Variants in GALNTL6 observed in about 807,000 individuals in gnomAD.
GALNTL6 encodes the protein polypeptide N-acetylgalactosaminyltransferase-like 6.
GALNTL6 carries 46 observed loss-of-function variants against 73.7 expected under a neutral mutation model. The ratio of observed to expected loss-of-function variants is 0.62; its 90% CI spans 0.49 to 0.80. The LOEUF is 0.80. Ranked by LOEUF, GALNTL6 falls within the 30% of genes least tolerant of loss-of-function variation. The pLI is 0.00. For missense variants in GALNTL6, 604 were observed against 755.0 expected, an observed-to-expected ratio of 0.80 and a Z score of 2.34; for synonymous variants, 259 against 263.7, an observed-to-expected ratio of 0.98 and a Z score of 0.17.
intron 5 of GALNTL6, among the ~76,000 whole-genome samples, chr4:172,435,269 C>G (rs1248344638): frequency 6.6e-6 from 1 of 152,072 alleles, no homozygotes; most frequent in East Asian, 1.9e-4. Context: ...CCACAAAGCA[C>G]CTAGATGACT....
chr4:172,610,167 T>G (rs752524895), intron 5 of GALNTL6, among the ~76,000 whole-genome samples: 1 of 152,036 alleles, frequency 6.6e-6, no homozygotes, highest in African/African-American at 2.4e-5. Flanking sequence ...ATTTTTTGTG[T>G]GGTTTTTCAT....
chr4:171,859,697 C>T (rs1735780593), intron 2 of GALNTL6, among the ~76,000 whole-genome samples: 1 of 152,180 alleles, frequency 6.6e-6, no homozygotes, highest in Admixed American at 6.5e-5. Flanking sequence ...TATGTGACAG[C>T]ACATGCTAAG....
chr4:172,813,361 G>A (rs971073268), intron 6 of GALNTL6, among the ~76,000 whole-genome samples, 179 bp from the exon 7 acceptor site: 1 of 152,098 alleles, frequency 6.6e-6, no homozygotes, highest in African/African-American at 2.4e-5. Context: ...GGACCTAATC[G>A]CTGTCCCATC....
At chr4:172,351,208 T>TATCTATC (rs1561040590) in intron 5 of GALNTL6, among the ~76,000 whole-genome samples, 41 of 152,254 alleles carry the variant, frequency 2.7e-4, no homozygotes, top group African/African-American at 9.1e-4. Flanking sequence ...TCTATCTATC[T>TATCTATC]ATCTATCTAT....
At chr4:172,076,675 A>G (rs890401106) in intron 2 of GALNTL6, among the ~76,000 whole-genome samples, 2 of 152,204 alleles carry the variant, frequency 1.3e-5, no homozygotes, top group African/African-American at 4.8e-5. Flanking sequence ...TCATATTCAT[A>G]TATTTTCCCA....
intron 4 of GALNTL6, among the ~76,000 whole-genome samples, chr4:172,340,351 T>G (rs1346838929): frequency 3.9e-5 from 6 of 152,172 alleles, no homozygotes; most frequent in Non-Finnish European, 8.8e-5. Context: ...CCAGCTTGAT[T>G]ATGGTGTATG....
intron 2 of GALNTL6, among the ~76,000 whole-genome samples, chr4:172,209,725 G>T (rs770487531): frequency 2.6e-5 from 4 of 151,918 alleles, no homozygotes; most frequent in Non-Finnish European, 1.5e-5. Context: ...TTACTCACAG[G>T]TTTAATAAAC....
intron 5 of GALNTL6, among the ~76,000 whole-genome samples, chr4:172,559,860 C>A (rs1226736483): frequency 1.3e-5 from 2 of 152,062 alleles, no homozygotes; most frequent in Non-Finnish European, 2.9e-5. Flanking sequence ...CTCTACCCAC[C>A]CCTAAAATGG....
At chr4:172,925,120 C>T (rs911652093) in intron 8 of GALNTL6, among the ~76,000 whole-genome samples, 8 of 151,736 alleles carry the variant, frequency 5.3e-5, no homozygotes, top group African/African-American at 1.7e-4. Flanking sequence ...GATCCACCCA[C>T]CTTGGCCTCC....
chr4:172,061,254 T>G (rs1294966332), intron 2 of GALNTL6, among the ~76,000 whole-genome samples: 4 of 152,128 alleles, frequency 2.6e-5, no homozygotes, highest in Non-Finnish European at 5.9e-5. Context: ...CCTTTCAATC[T>G]GACTAGATAA....
intron 3 of GALNTL6, among the ~76,000 whole-genome samples, chr4:172,242,891 A>G (rs752648320): frequency 4.4e-4 from 67 of 152,230 alleles, no homozygotes; most frequent in Non-Finnish European, 5.1e-4. Flanking sequence ...AACTATTTCA[A>G]TAAGTCTCTT....
At chr4:172,109,169 A>G (rs1732778254) in intron 2 of GALNTL6, among the ~76,000 whole-genome samples, 1 of 152,210 alleles carries the variant, frequency 6.6e-6, no homozygotes, top group South Asian at 2.1e-4. Context: ...CAATCAATGA[A>G]AGTATCAGAG....
chr4:172,186,101 A>T (rs1270867436), intron 2 of GALNTL6, among the ~76,000 whole-genome samples: 1 of 152,162 alleles, frequency 6.6e-6, no homozygotes, highest in Non-Finnish European at 1.5e-5. Flanking sequence ...CAAAGGCAAG[A>T]GTAGAATTTA....
intron 7 of GALNTL6, among the ~76,000 whole-genome samples, chr4:172,868,103 A>G (rs1744749450): frequency 6.6e-6 from 1 of 152,224 alleles, no homozygotes; most frequent in Non-Finnish European, 1.5e-5. Context: ...AGCTACATGC[A>G]GTTTTCTATT....
intron 5 of GALNTL6, among the ~76,000 whole-genome samples, chr4:172,782,581 T>C (rs1465223533): frequency 3.9e-5 from 6 of 152,140 alleles, no homozygotes; most frequent in Non-Finnish European, 8.8e-5. Flanking sequence ...TCATCGTCTG[T>C]TGAATCTATC....
At chr4:172,815,341 G>T (rs113970528) in intron 7 of GALNTL6, among the ~76,000 whole-genome samples, 10,006 of 152,152 alleles carry the variant, frequency 0.066, 493 homozygotes, top group Non-Finnish European at 0.097. Context: ...TAAAACATGC[G>T]TGTGGAGAGG....
chr4:172,993,712 T>G (rs1197460329), intron 10 of GALNTL6, among the ~76,000 whole-genome samples: 3 of 152,224 alleles, frequency 2.0e-5, no homozygotes, highest in Non-Finnish European at 4.4e-5. Flanking sequence ...TTTGTTCTGT[T>G]CTGCTTTATT....
chr4:172,214,115 G>T (rs1736417505), intron 2 of GALNTL6, among the ~76,000 whole-genome samples: 1 of 152,112 alleles, frequency 6.6e-6, no homozygotes, highest in Non-Finnish European at 1.5e-5. Flanking sequence ...CTATGTTTGT[G>T]CATGTTTATT....
At chr4:172,067,798 G>A (rs1731409166) in intron 2 of GALNTL6, among the ~76,000 whole-genome samples, 1 of 110,264 alleles carries the variant, frequency 9.1e-6, no homozygotes, top group African/African-American at 3.4e-5. Flanking sequence ...CAGGTTAGCT[G>A]CTAAAGCAGT....
Sources: gnomAD v4.1 joint callset for allele counts (sites outside exome capture counted in the v4.1 genomes callset) on GRCh38, gnomAD v4.1.1 for gene constraint, MANE v1.5 for transcripts, NCBI Gene and HGNC (gene_info 2026-07-23, HGNC 2026-07-21) for gene names.